The following SMAD4 variants were observed in gnomAD, a reference collection of about 807,000 sequenced individuals.
SMAD4 encodes the protein SMAD family member 4, also known as MAD homolog 4.
SMAD4 carries 7 observed loss-of-function variants against 63.2 expected under a neutral mutation model. That is an observed-to-expected ratio of 0.11 (90% CI 0.06 to 0.21). The LOEUF is 0.21. SMAD4 is among the 10% of genes least tolerant of loss of function. SMAD4 has a pLI of 1.00. For missense variants in SMAD4, 312 were observed against 693.8 expected, an observed-to-expected ratio of 0.45 and a Z score of 6.18; for synonymous variants, 215 against 235.4, an observed-to-expected ratio of 0.91 and a Z score of 0.79.
In SMAD4 at chr18:51,060,889, TTTTATTTA is replaced by T. The variant is rs539287374; in HGVS notation, c.955+993_955+1000del. 1.9e-3 allele frequency among the ~76,000 whole-genome samples: 295 copies of T among 151,818 alleles called. 4 individuals are homozygous for T. The highest frequency in any genetic ancestry group is 7.0e-3 in the African/African-American group (290 of 41,402). ...GCTAAAGCAGTCCTCCTGCTAATAATTTTATTTATTTATTTATTTATTTATTTTTTTCC... is the reference window on the plus strand; with the variant it reads ...GCTAAAGCAGTCCTCCTGCTAATAATTTTATTTATTTATTTATTTTTTTCC... On this transcript the variant is annotated intron_variant, in intron 8 of 11. Coordinates refer to ENST00000342988, the MANE Select transcript of SMAD4 (RefSeq NM_005359.6).
rs1372808384 is a variant in SMAD4 at position 51,054,758 on chromosome 18, AAT to A, written c.455-20_455-19del. On this transcript the variant is annotated intron_variant, in intron 4 of 11. Coordinates refer to ENST00000342988, the MANE Select transcript of SMAD4 (RefSeq NM_005359.6). Reference sequence around the variant, plus strand: ...GGAATAGAAGCTTATAAAAATTTAAAATATGTTTAATTTTCTATATAGCTCCA... The same window carrying A: ...GGAATAGAAGCTTATAAAAATTTAAAATGTTTAATTTTCTATATAGCTCCA... 6 of 1,553,392 alleles carry A rather than the reference AAT, an allele frequency of 3.9e-6. No individual in the cohort carries two copies. The highest frequency in any genetic ancestry group is 3.3e-5 in the Admixed American group (2 of 59,718).
At chr18:51,067,819 C>T (rs183114900) in intron 10 of SMAD4, among the ~76,000 whole-genome samples, 1 of 152,184 alleles carries the variant, frequency 6.6e-6, no homozygotes. Flanking sequence ...TCTGGACTTT[C>T]ATCTTAGCCA....
chr18:51,043,300 A>G (rs972039997), intron 1 of SMAD4, among the ~76,000 whole-genome samples: 8 of 152,276 alleles, frequency 5.3e-5, no homozygotes, highest in Non-Finnish European at 8.8e-5. Context: ...GAATTGGTCA[A>G]TTTATGTTTC....
At chr18:51,069,539 T>G (rs1384699850) in intron 10 of SMAD4, among the ~76,000 whole-genome samples, 1 of 152,216 alleles carries the variant, frequency 6.6e-6, no homozygotes, top group African/African-American at 2.4e-5. Context: ...TTCCTGTCAT[T>G]GCTTCACCCT....
rs551582129 is a variant in SMAD4 at position 51,082,947 on chromosome 18, T to C, written c.*4480T>C. 1.3e-4 allele frequency: 30 copies of C among 226,780 alleles called. No individual in the cohort carries two copies. In the East Asian group the frequency reaches 1.6e-3, roughly 12 times the overall value. 14.0% of individuals were successfully genotyped at this position (226,780 alleles called of 1,614,324 possible). A position where few individuals can be genotyped will look rare whatever the true frequency, so the allele number is the denominator to read the frequency against. On this transcript the variant is annotated 3_prime_UTR_variant, in exon 12 of 12. Coordinates refer to ENST00000342988, the MANE Select transcript of SMAD4 (RefSeq NM_005359.6). ...CTCTGGGACAGGACCCAAGACACTT[T>C]CCTGTGAAGTGCTGAAAAAGACCTC...
intron 2 of SMAD4, among the ~76,000 whole-genome samples, chr18:51,047,834 G>T (rs1035545927): frequency 3.3e-5 from 5 of 152,014 alleles, no homozygotes; most frequent in Admixed American, 2.6e-4. Flanking sequence ...GTCTTGAACC[G>T]CTGACCTCAG....
At chr18:51,060,040 C>A in intron 8 of SMAD4, 124 bp downstream of exon 8, 1 of 747,572 alleles carries the variant, frequency 1.3e-6, no homozygotes, top group Non-Finnish European at 2.4e-6. Context: ...CTCATCATGA[C>A]ATGAGTTAAT....
At chr18:51,034,593 G>A (rs1477485819) in intron 1 of SMAD4, among the ~76,000 whole-genome samples, 1 of 151,760 alleles carries the variant, frequency 6.6e-6, no homozygotes, top group Admixed American at 6.6e-5. Context: ...GCCCCAGCCT[G>A]GAGTACAGTG....
chr18:51,049,559 TA>T lies in SMAD4; in HGVS notation c.454+242del, dbSNP rs11287965. 179,262 of 469,726 alleles carry T rather than the reference TA, an allele frequency of 0.38. 35,465 individuals carry two copies. Among genetic ancestry groups the T allele is most frequent in the East Asian group, 0.48 (14,643 of 30,674 alleles). 29.1% of individuals were successfully genotyped at this position (469,726 alleles called of 1,614,324 possible). ...CTGCAATTTATGAACTAAAGTACTG[TA>T]AAAAAATATGATAGAGGAATGCACC... On this transcript the variant is annotated intron_variant, in intron 4 of 11. Transcript: ENST00000342988.
chr18:51,047,481 T>C (rs1909578468), intron 2 of SMAD4, among the ~76,000 whole-genome samples, 186 bp downstream of exon 2: 1 of 152,260 alleles, frequency 6.6e-6, no homozygotes, highest in African/African-American at 2.4e-5. Flanking sequence ...TCTTAAAGTT[T>C]TTTAATGTTC....
intron 4 of SMAD4, chr18:51,054,245 T>C: frequency 6.3e-6 from 1 of 159,568 alleles, no homozygotes; most frequent in East Asian, 1.8e-4. Context: ...TAGGGGACAT[T>C]ACATTCAGTA....
chr18:51,067,218 A>G, intron 10 of SMAD4, 31 bp downstream of exon 10: 5 of 1,246,164 alleles, frequency 4.0e-6, no homozygotes, highest in Non-Finnish European at 5.9e-6. Flanking sequence ...AATATTTTAG[A>G]CTTAAAGCTC....
At chr18:51,075,253 A>G (rs1910443148) in intron 10 of SMAD4, among the ~76,000 whole-genome samples, 1 of 152,194 alleles carries the variant, frequency 6.6e-6, no homozygotes, top group South Asian at 2.1e-4. Flanking sequence ...TGTAAATACC[A>G]TGGTTGAAGA....
rs764514852 is a variant in SMAD4, at chr18:51,080,603, A to G, written c.*2136A>G. On this transcript the variant is annotated 3_prime_UTR_variant, in exon 12 of 12. Transcript: ENST00000342988. ...GTTGCCCAGGCAGGAGTGCAGTGGT[A>G]TGATCTCAGCTCACTGCAACCTCTG... 11 of 183,848 alleles carry G rather than the reference A, an allele frequency of 6.0e-5. No homozygotes were observed. Among genetic ancestry groups the G allele is most frequent in the South Asian group, 2.0e-4 (1 of 5,120 alleles). The allele number at this position is 183,848 out of a possible 1,614,324, so 11.4% of individuals were successfully genotyped here.
intron 7 of SMAD4, among the ~76,000 whole-genome samples, chr18:51,059,076 C>T (rs1241920413): frequency 6.6e-6 from 1 of 152,068 alleles, no homozygotes; most frequent in Non-Finnish European, 1.5e-5. Context: ...TACCCTGAAT[C>T]CTGCTACTCA....
chr18:51,067,579 T>G (rs192788049), intron 10 of SMAD4, among the ~76,000 whole-genome samples: 15 of 151,972 alleles, frequency 9.9e-5, no homozygotes, highest in African/African-American at 3.1e-4. Flanking sequence ...TGCCTGGCAA[T>G]TTTTTGTATT....
chr18:51,057,310 A>G (rs565609516), intron 5 of SMAD4, among the ~76,000 whole-genome samples: 1 of 152,206 alleles, frequency 6.6e-6, no homozygotes, highest in South Asian at 2.1e-4. Flanking sequence ...TAAGAAACCA[A>G]ATTTCCACTT....
At position 51,081,299 on chromosome 18, in the gene SMAD4, C is replaced by A. The variant is rs1910607663; in HGVS notation, c.*2832C>A. 1 of 227,748 alleles carries A rather than the reference C, an allele frequency of 4.4e-6. No individual in the cohort carries two copies. Among genetic ancestry groups the A allele is most frequent in the Non-Finnish European group, 8.7e-6 (1 of 114,810 alleles). 14.1% of individuals were successfully genotyped at this position (227,748 alleles called of 1,614,324 possible). Reference sequence around the variant, plus strand: ...ATGAGAGATGAGCCATGTACACCCACCGTAAGACCTCATTCCATGTTTGTC... The same window carrying A: ...ATGAGAGATGAGCCATGTACACCCAACGTAAGACCTCATTCCATGTTTGTC... On this transcript the variant is annotated 3_prime_UTR_variant, in exon 12 of 12. Transcript: ENST00000342988.
intron 1 of SMAD4, among the ~76,000 whole-genome samples, chr18:51,036,678 A>C (rs1238305265): frequency 1.3e-5 from 2 of 152,226 alleles, no homozygotes; most frequent in Non-Finnish European, 2.9e-5. Flanking sequence ...TTGTAAAGTA[A>C]AGATTGTAGA....
Sources: allele counts gnomAD v4.1 joint callset (sites outside exome capture counted in the v4.1 genomes callset), GRCh38; gene constraint gnomAD v4.1.1; transcripts MANE v1.5; gene names NCBI Gene and HGNC (gene_info 2026-07-23, HGNC 2026-07-21).